Variants in CEP57 observed in about 807,000 individuals in gnomAD.
The protein encoded by CEP57 is centrosomal protein 57.
In CEP57, 40 loss-of-function variants were observed where a neutral mutation model predicts 68.0. That is an observed-to-expected ratio of 0.59 (90% CI 0.46 to 0.77). CEP57 has a LOEUF of 0.77. Ranked by LOEUF, CEP57 falls within the 30% of genes least tolerant of loss-of-function variation. The pLI is 0.00. For synonymous variants in CEP57, 219 were observed against 198.7 expected, an observed-to-expected ratio of 1.10 and a Z score of -0.86; for missense variants, 606 against 580.7, an observed-to-expected ratio of 1.04 and a Z score of -0.45.
rs1863049636 is a variant in CEP57 at position 95,832,508 on chromosome 11, TTC to T, written c.*1254_*1255del. On this transcript the variant is annotated 3_prime_UTR_variant, in exon 11 of 11. Coordinates refer to ENST00000325542, the MANE Select transcript of CEP57 (RefSeq NM_014679.5). The stretch of plus-strand genomic sequence containing the variant: ...TAAACTTGTGCTTCTGTGTCCAGTT[TTC>T]TAATGAGTAGGTTCGTAGCTTGATT... 6.6e-6 allele frequency: 1 copy of T among 152,186 alleles called. No homozygotes were observed. The highest frequency in any genetic ancestry group is 2.1e-4 in the South Asian group (1 of 4,832). 9.4% of individuals were successfully genotyped at this position (152,186 alleles called of 1,614,324 possible). A position where few individuals can be genotyped will look rare whatever the true frequency, so the allele number is the denominator to read the frequency against.
chr11:95,812,824 G>T, intron 2 of CEP57, 108 bp from the exon 3 acceptor site: 1 of 930,570 alleles, frequency 1.1e-6, no homozygotes, highest in South Asian at 1.3e-5. Context: ...ATCCTCCACT[G>T]GACTCATCCA....
intron 2 of CEP57, among the ~76,000 whole-genome samples, 188 bp downstream of exon 2, chr11:95,799,576 A>G (rs1378518715): frequency 6.6e-6 from 1 of 152,168 alleles, no homozygotes; most frequent in Non-Finnish European, 1.5e-5. Flanking sequence ...TCATCCACCA[A>G]ATTACTGATG....
intron 1 of CEP57, among the ~76,000 whole-genome samples, chr11:95,796,963 C>T (rs1278643539): frequency 6.6e-6 from 1 of 152,136 alleles, no homozygotes; most frequent in Non-Finnish European, 1.5e-5. Context: ...TGGTGCAGCA[C>T]CTTCCCAGCA....
At chr11:95,790,779 G>A (rs955319327) in intron 1 of CEP57, 36 bp downstream of exon 1, 5 of 1,611,358 alleles carry the variant, frequency 3.1e-6, no homozygotes, top group Admixed American at 1.7e-5. Context: ...CCCCACGTCG[G>A]CCCTAAGCGC....
At chr11:95,790,858 G>A (rs1357840515) in intron 1 of CEP57, 115 bp downstream of exon 1, 6 of 1,224,432 alleles carry the variant, frequency 4.9e-6, no homozygotes, top group Non-Finnish European at 7.0e-6. Flanking sequence ...GAGGTCGGCG[G>A]GAATGCCTAG....
intron 4 of CEP57, among the ~76,000 whole-genome samples, chr11:95,814,528 T>A (rs1326421950): frequency 6.6e-6 from 1 of 151,854 alleles, no homozygotes; most frequent in Non-Finnish European, 1.5e-5. Flanking sequence ...ACCCGGCTAA[T>A]TTTGTATTTT....
chr11:95,798,129 T>C (rs1201094531), intron 1 of CEP57, among the ~76,000 whole-genome samples: 1 of 152,216 alleles, frequency 6.6e-6, no homozygotes, highest in Non-Finnish European at 1.5e-5. Flanking sequence ...CTTATTTATT[T>C]GAGTACCACT....
rs370708990 is a variant in CEP57, at chr11:95,829,666, TAA to T, written c.1272+336_1272+337del. ...CTGCGAAATTCTGTTTCCAAAGGAA[TAA>T]GTCATACATTAAATATGTGAAATAT... On this transcript the variant is annotated intron_variant, in intron 10 of 10. Coordinates refer to ENST00000325542, the MANE Select transcript of CEP57 (RefSeq NM_014679.5). Among the ~76,000 whole-genome samples the T allele has an allele frequency of 2.8e-3, 433 of 152,330 alleles. 3 individuals are homozygous for T. Among genetic ancestry groups the T allele is most frequent in the African/African-American group, 9.2e-3 (383 of 41,576 alleles).
intron 2 of CEP57, among the ~76,000 whole-genome samples, chr11:95,812,308 G>A (rs983471053): frequency 6.6e-6 from 1 of 152,032 alleles, no homozygotes; most frequent in African/African-American, 2.4e-5. Flanking sequence ...ACTGTTATGT[G>A]AACTTTGTAT....
chr11:95,818,696 C>G (rs1004886324), intron 5 of CEP57, 131 bp from the exon 6 acceptor site: 1 of 695,476 alleles, frequency 1.4e-6, no homozygotes, highest in African/African-American at 1.8e-5. Flanking sequence ...CTCACAGCCT[C>G]CATTACTACA....
chr11:95,799,157 CAT>C, intron 1 of CEP57, 73 bp from the exon 2 acceptor site: 1 of 1,454,884 alleles, frequency 6.9e-7, no homozygotes. Flanking sequence ...CAATCTCAGT[CAT>C]AAATATTTGT....
chr11:95,826,310 C>T (rs1862740928), intron 8 of CEP57: 1 of 152,100 alleles, frequency 6.6e-6, no homozygotes, highest in South Asian at 2.1e-4. Flanking sequence ...AAAAATGCTT[C>T]CAGTCAACAG....
At chr11:95,820,464 G>A (rs182820782) in intron 6 of CEP57, among the ~76,000 whole-genome samples, 38 of 151,674 alleles carry the variant, frequency 2.5e-4, no homozygotes, top group Admixed American at 2.3e-3. Flanking sequence ...GGTGGTGCAT[G>A]CCTGTAATCC....
rs1439342795 is a variant in CEP57, at chr11:95,832,184, T to C, written c.*928T>C. 6.6e-6 allele frequency: 1 copy of C among 152,122 alleles called. No individual in the cohort carries two copies. The highest frequency in any genetic ancestry group is 1.5e-5 in the Non-Finnish European group (1 of 67,988). The allele number at this position is 152,122 out of a possible 1,614,324, so 9.4% of individuals were successfully genotyped here. A position where few individuals can be genotyped will look rare whatever the true frequency, so the allele number is the denominator to read the frequency against. On this transcript the variant is annotated 3_prime_UTR_variant, in exon 11 of 11. Coordinates refer to ENST00000325542, the MANE Select transcript of CEP57 (RefSeq NM_014679.5). ...ATAATTTCAACTAGATCAAGACATGTTAACCTTTTATAAATTTAAAGTCAA... is the reference window on the plus strand; with the variant it reads ...ATAATTTCAACTAGATCAAGACATGCTAACCTTTTATAAATTTAAAGTCAA...
In CEP57 at chr11:95,831,255, G is replaced by A. The variant is rs942517920; in HGVS notation, c.1502G>A (p.Ter501=). 1.2e-6 allele frequency: 2 copies of A among 1,605,802 alleles called. 1 individual carries two copies. Among genetic ancestry groups the A allele is most frequent in the African/African-American group, 2.7e-5 (2 of 74,864 alleles). ...LQSSSLCWDY[*] is the part of the protein sequence containing the mutation. The stretch of plus-strand genomic sequence containing the variant: ...AGCAGTAGTTTGTGTTGGGATTACT[G>A]ACTCATAACCAGGTCAGAAATTTTA... Residue 501 remains the stop codon, a stop_retained_variant, in exon 11 of 11, where the codon TGA becomes TAA. Transcript: ENST00000325542.
chr11:95,801,331 C>T (rs890611654), intron 2 of CEP57, among the ~76,000 whole-genome samples: 1 of 150,782 alleles, frequency 6.6e-6, no homozygotes, highest in Non-Finnish European at 1.5e-5. Flanking sequence ...TCGATGATAA[C>T]GAAAATTTTT....
chr11:95,826,363 T>G (rs1218783686), intron 8 of CEP57: 1 of 152,168 alleles, frequency 6.6e-6, no homozygotes, highest in African/African-American at 2.4e-5. Flanking sequence ...TAGTTCTCAG[T>G]TACATAAGTG....
intron 1 of CEP57, among the ~76,000 whole-genome samples, chr11:95,798,395 T>C (rs1268428025): frequency 6.6e-6 from 1 of 152,248 alleles, no homozygotes; most frequent in Non-Finnish European, 1.5e-5. Flanking sequence ...TCTTGTACTT[T>C]TATGAACACG....
At chr11:95,813,989 T>A (rs1453414563) in intron 4 of CEP57, among the ~76,000 whole-genome samples, 1 of 152,252 alleles carries the variant, frequency 6.6e-6, no homozygotes, top group East Asian at 1.9e-4. Flanking sequence ...ACCAGAGATC[T>A]TCGTATTTAG....
Sources: gnomAD v4.1 joint callset for allele counts (sites outside exome capture counted in the v4.1 genomes callset) on GRCh38, gnomAD v4.1.1 for gene constraint, MANE v1.5 for transcripts, NCBI Gene and HGNC (gene_info 2026-07-23, HGNC 2026-07-21) for gene names.